LRP2: variants seen among roughly 807,000 people sequenced by gnomAD.
The protein encoded by LRP2 is LDL receptor related protein 2, also known as low-density lipoprotein receptor-related protein 2.
In LRP2, 172 loss-of-function variants were observed where a neutral mutation model predicts 531.0. That is an observed-to-expected ratio of 0.32 (90% CI 0.29 to 0.37). The LOEUF (loss-of-function observed/expected upper bound fraction) is 0.37, where lower values mean the gene tolerates loss of function less well. Ranked by LOEUF, LRP2 falls within the 10% of genes least tolerant of loss-of-function variation. The probability of loss-of-function intolerance (pLI) is 1.00; values close to 1 mark genes in which losing one functional copy is unlikely to be tolerated. For synonymous variants in LRP2, 1,992 were observed against 2,027.6 expected (o/e 0.98, Z 0.47); for missense variants, 5,167 against 5,868.3 (o/e 0.88, Z 3.90).
intron 72 of LRP2, 47 bp from the exon 73 acceptor site, chr2:169,139,657 T>G: frequency 1.3e-6 from 2 of 1,536,392 alleles, no homozygotes; most frequent in South Asian, 2.2e-5. Flanking sequence ...GTTCTTAGGC[T>G]TCTACTGCAT....
chr2:169,258,420 T>C (rs1334842188), intron 17 of LRP2, among the ~76,000 whole-genome samples: 1 of 152,146 alleles, frequency 6.6e-6, no homozygotes, highest in Non-Finnish European at 1.5e-5. Context: ...TTAGCAGCCA[T>C]CTTTTTTATC....
chr2:169,202,909 C>T lies in LRP2; in HGVS notation c.8056G>A (p.Ala2686Thr). Residue 2686 changes from alanine (A) to threonine (T), a missense_variant, in exon 43 of 79, where the codon GCC becomes ACC. Physicochemically the swap from Ala to Thr is moderately conservative, Grantham distance 58. Around this residue, in one of 6 missense-constraint regions of LRP2, gnomAD observed 1,129 missense variants for 1,362.7 expected, o/e 0.83. Transcript: ENST00000649046. ...QCPHEGNWYL[A>T]NNRKHCIVDN... ...ACAATGCAGTGCTTCCTGTTGTTGG[C>T]CAAATACCAGTTGCCCTCATGTGGA... 1.2e-6 allele frequency: 2 copies of T among 1,614,198 alleles called. No homozygotes were observed. Among genetic ancestry groups the T allele is most frequent in the Non-Finnish European group, 1.7e-6 (2 of 1,180,028 alleles).
chr2:169,341,282 T>A (rs1311336937), intron 1 of LRP2, among the ~76,000 whole-genome samples: 2 of 152,060 alleles, frequency 1.3e-5, no homozygotes, highest in African/African-American at 4.8e-5. Flanking sequence ...ATTACAAAGA[T>A]CATACGTGAG....
At chr2:169,355,860 G>A (rs1193392141) in intron 1 of LRP2, among the ~76,000 whole-genome samples, 2 of 152,160 alleles carry the variant, frequency 1.3e-5, no homozygotes, top group East Asian at 3.8e-4. Context: ...AATCTCAAAT[G>A]GATCAACCTA....
chr2:169,128,934 C>T (rs1414114668), intron 78 of LRP2, 79 bp downstream of exon 78: 1 of 1,537,368 alleles, frequency 6.5e-7, no homozygotes, highest in Admixed American at 1.7e-5. Context: ...TCAGAATAAT[C>T]TAAGTGTGTG....
rs866711877 is a variant in LRP2, at chr2:169,327,298, G to A, written c.80-6414C>T. Among the ~76,000 whole-genome samples, 122 of 92,186 alleles carry A rather than the reference G, an allele frequency of 1.3e-3. 3 individuals are homozygous for A. The highest frequency in any genetic ancestry group is 2.0e-3 in the South Asian group (5 of 2,478). 60.5% of individuals were successfully genotyped at this position (92,186 alleles called of 152,430 possible). ...AGCCCCCCGCCCGGCCAGCCGCCCC[G>A]TCTGGGAGGGAGGTGGGGTCAGCCC... On this transcript the variant is annotated intron_variant, in intron 1 of 78. Coordinates refer to ENST00000649046, the MANE Select transcript of LRP2 (RefSeq NM_004525.3).
intron 12 of LRP2, 53 bp from the exon 13 acceptor site, chr2:169,278,004 G>A: frequency 2.0e-6 from 3 of 1,496,566 alleles, no homozygotes; most frequent in Non-Finnish European, 1.9e-6. Context: ...AAGTTAACCT[G>A]GGAATTTTTT....
In LRP2 at chr2:169,168,615, A is replaced by T; in HGVS notation, c.11559T>A (p.Val3853=). The T allele has an allele frequency of 6.2e-7, 1 of 1,614,148 alleles. No individual in the cohort carries two copies. The highest frequency in any genetic ancestry group is 8.5e-7 in the Non-Finnish European group (1 of 1,180,000). The change falls in exon 61 of 79, where the codon GTT becomes GTA. Residue 3853 remains valine (V), a synonymous_variant. Coordinates refer to ENST00000649046, the MANE Select transcript of LRP2 (RefSeq NM_004525.3). ...CACATTTCCAATATGGCGGGATACAAACATGGTTTTTGCATTCGAACATAG... is the reference window on the plus strand; with the variant it reads ...CACATTTCCAATATGGCGGGATACATACATGGTTTTTGCATTCGAACATAG... ...QATMFECKNH[V]CIPPYWKCDG...
At chr2:169,304,015 T>G (rs1251852704) in intron 4 of LRP2, among the ~76,000 whole-genome samples, 1 of 152,226 alleles carries the variant, frequency 6.6e-6, no homozygotes, top group Admixed American at 6.5e-5. Context: ...TACTTACATA[T>G]TCGTATCCTG....
intron 5 of LRP2, 66 bp from the exon 6 acceptor site, chr2:169,294,327 C>CA: frequency 1.0e-6 from 1 of 978,980 alleles, no homozygotes; most frequent in Non-Finnish European, 1.7e-6. Flanking sequence ...CATTTAATCT[C>CA]AAAGGAAGAG....
In LRP2 at chr2:169,226,423, G is replaced by A; in HGVS notation, c.5393C>T (p.Pro1798Leu). 6.2e-7 allele frequency: 1 copy of A among 1,612,000 alleles called. No homozygotes were observed. ...CTTTGAATGTTATTCAAAACTTACT[G>A]GATTTTCAACCCAATAGATGTATTG... ...AEQYIYWVEN[P>L]GEIHRVKTDG... The change falls in exon 32 of 79, where the codon CCA becomes CTA. Residue 1798 changes from proline to leucine, a missense_variant and splice_region_variant. Coordinates refer to ENST00000649046, the MANE Select transcript of LRP2 (RefSeq NM_004525.3).
In LRP2 at chr2:169,233,556, A is replaced by G; in HGVS notation, c.4953T>C (p.Phe1651=). 6.2e-7 allele frequency: 1 copy of G among 1,614,168 alleles called. No individual in the cohort carries two copies. Among genetic ancestry groups the G allele is most frequent in the Admixed American group, 1.7e-5 (1 of 60,026 alleles). ...GGTCAGTCCAGTACACAGAGTCTTC[A>G]AAGAGAGTTAGGGCATAGGGGTGCC... is the stretch of plus-strand genomic sequence containing the variant. ...IIRHPYALTL[F]EDSVYWTDRA... Residue 1651 remains phenylalanine (F), a synonymous_variant, in exon 30 of 79, where the codon TTT becomes TTC. Transcript: ENST00000649046.
chr2:169,146,046 G>T (rs1048069563), intron 69 of LRP2, 123 bp from the exon 70 acceptor site: 1 of 864,934 alleles, frequency 1.2e-6, no homozygotes, highest in African/African-American at 1.7e-5. Flanking sequence ...ACAATGCCTT[G>T]AAGCTCTGGG....
rs763431942 is a variant in LRP2 at position 169,177,970 on chromosome 2, T to C, written c.10226A>G (p.His3409Arg). The change falls in exon 53 of 79, where the codon CAC (histidine) becomes CGC (arginine). Residue 3409 changes from histidine (H) to arginine (R), a missense_variant. Coordinates refer to ENST00000649046, the MANE Select transcript of LRP2 (RefSeq NM_004525.3). ...RHTVYDGALPHPFAITIFEDT... is the reference protein window; with the variant it reads ...RHTVYDGALPRPFAITIFEDT... ...TTCAAAAATGGTAATAGCGAAAGGG[T>C]GAGGCAGTGCCCCATCATACACCGT... 93 of 1,614,054 alleles carry C rather than the reference T, an allele frequency of 5.8e-5. No homozygotes were observed. Among genetic ancestry groups the C allele is most frequent in the Non-Finnish European group, 7.6e-5 (90 of 1,180,028 alleles).
chr2:169,158,219 T>C (rs930566923), intron 63 of LRP2, among the ~76,000 whole-genome samples: 14 of 152,018 alleles, frequency 9.2e-5, no homozygotes, highest in Non-Finnish European at 1.5e-5. Context: ...GTACTATGTA[T>C]GTATGCACCA....
At chr2:169,230,891 A>G (rs1451479966) in intron 31 of LRP2, among the ~76,000 whole-genome samples, 1 of 152,236 alleles carries the variant, frequency 6.6e-6, no homozygotes, top group Non-Finnish European at 1.5e-5. Context: ...ATCTCATACC[A>G]ACACAATTCT....
rs767104468 is a variant in LRP2 at position 169,142,786 on chromosome 2, G to T, written c.12996C>A (p.Asn4332Lys). The T allele has an allele frequency of 1.2e-6, 2 of 1,614,028 alleles. No homozygotes were observed. The highest frequency in any genetic ancestry group is 1.7e-6 in the Non-Finnish European group (2 of 1,179,918). Residue 4332 changes from asparagine to lysine, a missense_variant, in exon 71 of 79, where the codon AAC becomes AAA. Physicochemically the swap from Asn to Lys is moderately conservative, Grantham distance 94. Coordinates refer to ENST00000649046, the MANE Select transcript of LRP2 (RefSeq NM_004525.3). ...GGTGGCTGCAGATCTGTTTGCAAAG[G>T]TTGGGCACTGGAAAGCGGGTGAGAA... Reference protein sequence around the residue: ...HQLRYNKSVPNLCKQICSHLC... With the variant: ...HQLRYNKSVPKLCKQICSHLC...
At position 169,129,067 on chromosome 2, in the gene LRP2, G is replaced by C; in HGVS notation, c.13746C>G (p.Leu4582=). ...TAGTTTGTTTAGATTTTCGTTTGAA[G>C]AGATTCCATTTTGTCACCTAAATGA... ...ADGTQVTKWN[L]FKRKSKQTTN... Residue 4582 remains leucine, a synonymous_variant, in exon 78 of 79, where the codon CTC becomes CTG. Coordinates refer to ENST00000649046, the MANE Select transcript of LRP2 (RefSeq NM_004525.3). The C allele has an allele frequency of 6.2e-7, 1 of 1,610,388 alleles. No homozygotes were observed. Among genetic ancestry groups the C allele is most frequent in the Non-Finnish European group, 8.5e-7 (1 of 1,176,660 alleles).
chr2:169,220,946 T>A (rs1453021382), intron 33 of LRP2, among the ~76,000 whole-genome samples: 1 of 151,980 alleles, frequency 6.6e-6, no homozygotes, highest in Non-Finnish European at 1.5e-5. Flanking sequence ...CCCCACAGCT[T>A]TCCTGCACCC....
Sources: allele counts gnomAD v4.1 joint callset (sites outside exome capture counted in the v4.1 genomes callset), GRCh38; gene constraint gnomAD v4.1.1; regional missense constraint gnomAD v4.1.1; transcripts MANE v1.5; gene names NCBI Gene and HGNC (gene_info 2026-07-23, HGNC 2026-07-21).